IGSF3: variants seen among roughly 807,000 people sequenced by gnomAD.
IGSF3 encodes glu-Trp-Ile EWI motif-containing protein 3.
In IGSF3, 23 loss-of-function variants were observed where a neutral mutation model predicts 114.4. The observed-to-expected ratio is 0.20, with a 90% confidence interval of 0.14 to 0.28. The LOEUF (loss-of-function observed/expected upper bound fraction) is 0.28. Among genes scored for constraint, IGSF3 ranks in the 10% least tolerant of loss-of-function variants. IGSF3 has a pLI of 1.00. For synonymous variants in IGSF3, 571 were observed against 645.2 expected (o/e 0.88, Z 1.74); for missense variants, 1,172 against 1,591.5 (o/e 0.74, Z 4.48).
chr1:116,608,578 C>G (rs1411438376), intron 4 of IGSF3, among the ~76,000 whole-genome samples: 1 of 152,134 alleles, frequency 6.6e-6, no homozygotes, highest in Non-Finnish European at 1.5e-5. Context: ...CAAACTGTTA[C>G]CCCAGTTAAG....
intron 2 of IGSF3, among the ~76,000 whole-genome samples, chr1:116,643,095 G>C (rs189831883): frequency 7.9e-5 from 12 of 152,334 alleles, no homozygotes; most frequent in Admixed American, 3.3e-4. Context: ...AGAGGCACCA[G>C]GGTCATGGTG....
At position 116,633,422 on chromosome 1, in the gene IGSF3, A is replaced by AT. The variant is rs888671491; in HGVS notation, c.44-16966dup. Among the ~76,000 whole-genome samples, 13 of 152,254 alleles carry AT rather than the reference A, an allele frequency of 8.5e-5. No individual in the cohort carries two copies. The highest frequency in any genetic ancestry group is 1.6e-4 in the Non-Finnish European group (11 of 68,016). ...GATTCCCTATAAGCAAAATTTTAAA[A>AT]TTTTTTTTAAAGAAGAAAAACACCT... On this transcript the variant is annotated intron_variant, in intron 2 of 10. Transcript: ENST00000369486. The surrounding 1 kb of genome is among the most constrained non-coding windows in gnomAD (Gnocchi z 4.3).
Position 116,593,621 on chromosome 1 carries a change from C to A in IGSF3, c.2030-4517G>T, listed in dbSNP as rs1228635616. 2.0e-5 allele frequency among the ~76,000 whole-genome samples: 3 copies of A among 152,200 alleles called. No homozygotes were observed. In the East Asian group the frequency reaches 5.8e-4, roughly 29 times the overall value. On this transcript the variant is annotated intron_variant, in intron 7 of 10. Transcript: ENST00000369486. This position sits in a 1 kb window ranked among gnomAD's most constrained non-coding sequence, Gnocchi z 4.5. ...AACACCCCTTGGCTCCCTGCTCTCT[C>A]CACATGACCATTCCCTATTTGGGCC...
In IGSF3 at chr1:116,647,221, C is replaced by T. The variant is rs150750662; in HGVS notation, c.43+19063G>A. On this transcript the variant is annotated intron_variant, in intron 2 of 10. Transcript: ENST00000369486. This position sits in a 1 kb window ranked among gnomAD's most constrained non-coding sequence, Gnocchi z 4.6. ...AGGAATCACCTCACTGCTGCCGATG[C>T]CCTTGACAGCGATGTCTGAGGCTGG... Among the ~76,000 whole-genome samples the T allele has an allele frequency of 2.0e-3, 305 of 152,330 alleles. No homozygotes were observed. The highest frequency in any genetic ancestry group is 7.0e-3 in the African/African-American group (292 of 41,572).
chr1:116,577,405 C>T lies in IGSF3; in HGVS notation c.3492G>A (p.Val1164=), dbSNP rs1227371203. The T allele has an allele frequency of 5.6e-6, 9 of 1,614,192 alleles. No homozygotes were observed. The highest frequency in any genetic ancestry group is 7.6e-6 in the Non-Finnish European group (9 of 1,180,020). ...GTGGCTCTTTGATCCACAGCAGAGG[C>T]ACCCCATTCTTCCCATCAGAGTTCT... ...SSKNSDGKNG[V]PLLWIKEPHL... Residue 1164 remains valine, a synonymous_variant, in exon 11 of 11, where the codon GTG becomes GTA. Transcript: ENST00000369486. This position sits in a 1 kb window ranked among gnomAD's most constrained non-coding sequence, Gnocchi z 5.7.
At chr1:116,637,043 C>T (rs1226214281) in intron 2 of IGSF3, among the ~76,000 whole-genome samples, 1 of 152,072 alleles carries the variant, frequency 6.6e-6, no homozygotes, top group Non-Finnish European at 1.5e-5. Context: ...TCGACTTGTT[C>T]CTGGCCACCC....
intron 2 of IGSF3, among the ~76,000 whole-genome samples, chr1:116,656,234 T>C (rs1420725187): frequency 6.7e-6 from 1 of 149,262 alleles, no homozygotes; most frequent in African/African-American, 2.4e-5. Flanking sequence ...AGAATCTATA[T>C]CAAAGTCAAT....
In IGSF3 at chr1:116,662,106, C is replaced by T. The variant is rs938708954; in HGVS notation, c.43+4178G>A. Among the ~76,000 whole-genome samples, 1 of 151,484 alleles carries T rather than the reference C, an allele frequency of 6.6e-6. No individual in the cohort carries two copies. Among genetic ancestry groups the T allele is most frequent in the African/African-American group, 2.4e-5 (1 of 41,216 alleles). Reference sequence around the variant, plus strand: ...TTTTTTTTTGAGACAGAGTTTTGCTCATTGCCCAGGCTGGAGTGCAACGGC... The same window carrying T: ...TTTTTTTTTGAGACAGAGTTTTGCTTATTGCCCAGGCTGGAGTGCAACGGC... On this transcript the variant is annotated intron_variant, in intron 2 of 10. Coordinates refer to ENST00000369486, the MANE Select transcript of IGSF3 (RefSeq NM_001007237.3). The surrounding 1 kb of genome is among the most constrained non-coding windows in gnomAD (Gnocchi z 4.3).
At chr1:116,611,168 G>A (rs553958411) in intron 4 of IGSF3, among the ~76,000 whole-genome samples, 1 of 152,170 alleles carries the variant, frequency 6.6e-6, no homozygotes, top group African/African-American at 2.4e-5. Flanking sequence ...GGCCTCCATG[G>A]GTTTTTCTTT....
chr1:116,641,952 G>GGTTT (rs927041183), intron 2 of IGSF3, among the ~76,000 whole-genome samples: 47 of 150,910 alleles, frequency 3.1e-4, no homozygotes, highest in Admixed American at 7.9e-4. Flanking sequence ...GAGTTTTTTT[G>GGTTT]GTTTGTTTGT....
rs746441898 is a variant in IGSF3 at position 116,612,993 on chromosome 1, T to C, written c.832+772A>G. ...TGTGCCACCATCATTTTGCCTCAGC[T>C]CTAAAGACATCATGCAACCTCCTCA... On this transcript the variant is annotated intron_variant, in intron 4 of 10. Coordinates refer to ENST00000369486, the MANE Select transcript of IGSF3 (RefSeq NM_001007237.3). The surrounding 1 kb of genome is among the most constrained non-coding windows in gnomAD (Gnocchi z 4.1). 6.6e-6 allele frequency among the ~76,000 whole-genome samples: 1 copy of C among 152,200 alleles called. No homozygotes were observed. The highest frequency in any genetic ancestry group is 1.5e-5 in the Non-Finnish European group (1 of 68,040).
intron 5 of IGSF3, among the ~76,000 whole-genome samples, chr1:116,606,077 CT>C (rs1424545983): frequency 6.6e-6 from 1 of 152,182 alleles, no homozygotes; most frequent in African/African-American, 2.4e-5. Flanking sequence ...ATTTCCAGGC[CT>C]GAGAAAAGGC....
chr1:116,659,151 G>T (rs913514751), intron 2 of IGSF3, among the ~76,000 whole-genome samples: 4 of 152,026 alleles, frequency 2.6e-5, no homozygotes, highest in African/African-American at 9.7e-5. Context: ...ATTCTCTTCT[G>T]CTACTATAAT....
At position 116,634,822 on chromosome 1, in the gene IGSF3, A is replaced by G. The variant is rs1184399798; in HGVS notation, c.44-18365T>C. On this transcript the variant is annotated intron_variant, in intron 2 of 10. Coordinates refer to ENST00000369486, the MANE Select transcript of IGSF3 (RefSeq NM_001007237.3). This position sits in a 1 kb window ranked among gnomAD's most constrained non-coding sequence, Gnocchi z 4.2. Reference sequence around the variant, plus strand: ...ACAAACAGGGAACGCAGCTTCTGCCAGCTCTCCTGGGACACACATTTGGAG... The same window carrying G: ...ACAAACAGGGAACGCAGCTTCTGCCGGCTCTCCTGGGACACACATTTGGAG... Among the ~76,000 whole-genome samples, 3 of 152,108 alleles carry G rather than the reference A, an allele frequency of 2.0e-5. No individual in the cohort carries two copies. The highest frequency in any genetic ancestry group is 7.2e-5 in the African/African-American group (3 of 41,414).
At chr1:116,663,520 A>G (rs1485333355) in intron 2 of IGSF3, among the ~76,000 whole-genome samples, 1 of 151,582 alleles carries the variant, frequency 6.6e-6, no homozygotes, top group Non-Finnish European at 1.5e-5. Flanking sequence ...CTGCCACCAC[A>G]ACCCTTATTG....
rs1315457981 is a variant in IGSF3, at chr1:116,662,096, G to C, written c.43+4188C>G. Among the ~76,000 whole-genome samples, 7 of 151,380 alleles carry C rather than the reference G, an allele frequency of 4.6e-5. No individual in the cohort carries two copies. Among genetic ancestry groups the C allele is most frequent in the African/African-American group, 1.5e-4 (6 of 41,152 alleles). On this transcript the variant is annotated intron_variant, in intron 2 of 10. Coordinates refer to ENST00000369486, the MANE Select transcript of IGSF3 (RefSeq NM_001007237.3). This position sits in a 1 kb window ranked among gnomAD's most constrained non-coding sequence, Gnocchi z 4.3. ...TGACTCTTTTTTTTTTTTTGAGACA[G>C]AGTTTTGCTCATTGCCCAGGCTGGA...
At chr1:116,660,479 C>CTTTTTTTTTTTTTT (rs71274759) in intron 2 of IGSF3, among the ~76,000 whole-genome samples, 4 of 99,742 alleles carry the variant, frequency 4.0e-5, no homozygotes, top group Non-Finnish European at 6.1e-5. Flanking sequence ...GTATGCTTTT[C>CTTTTTTTTTTTTTT]TTTTTTTTTT....
intron 2 of IGSF3, among the ~76,000 whole-genome samples, chr1:116,635,300 TC>T (rs1283902712): frequency 6.6e-6 from 1 of 152,226 alleles, no homozygotes; most frequent in Admixed American, 6.5e-5. Context: ...ACTGTGACGG[TC>T]CACACTGTCT....
rs192311883 is a variant in IGSF3, at chr1:116,652,750, C to A, written c.43+13534G>T. Among the ~76,000 whole-genome samples the A allele has an allele frequency of 2.3e-3, 355 of 152,306 alleles. 1 individual carries two copies. The highest frequency in any genetic ancestry group is 7.7e-3 in the African/African-American group (320 of 41,570). ...CCTGGTATCATTCAAGGAAAAATGT[C>A]AGGGAACACCACTGACCAGCAGTCC... is the stretch of plus-strand genomic sequence containing the variant. On this transcript the variant is annotated intron_variant, in intron 2 of 10. Transcript: ENST00000369486.
Sources: gnomAD v4.1 joint callset for allele counts (sites outside exome capture counted in the v4.1 genomes callset) on GRCh38, gnomAD v4.1.1 for gene constraint, Gnocchi (gnomAD v3.1) non-coding constraint, MANE v1.5 for transcripts, NCBI Gene and HGNC (gene_info 2026-07-23, HGNC 2026-07-21) for gene names.